The following SIK3 variants were observed in gnomAD, a reference collection of about 807,000 sequenced individuals.
SIK3 encodes SIK family kinase 3.
SIK3 carries 28 observed loss-of-function variants against 144.2 expected under a neutral mutation model. The ratio of observed to expected loss-of-function variants is 0.19; its 90% CI spans 0.14 to 0.27. The LOEUF (loss-of-function observed/expected upper bound fraction) is 0.27. SIK3 is among the 10% of genes least tolerant of loss of function. SIK3 has a pLI of 1.00. For synonymous variants in SIK3, 686 were observed against 676.3 expected (o/e 1.01, Z -0.22); for missense variants, 1,319 against 1,776.0 (o/e 0.74, Z 4.62).
chr11:116,847,071 A>G (rs757001025), intron 23 of SIK3, among the ~76,000 whole-genome samples: 5 of 152,208 alleles, frequency 3.3e-5, no homozygotes, highest in African/African-American at 4.8e-5. Context: ...GCAGAGCCTG[A>G]AAAGGACAGC....
In SIK3 at chr11:116,857,914, G is replaced by T. The variant is rs12225230; in HGVS notation, c.3551C>A (p.Pro1184His). The T allele has an allele frequency of 1.9e-6, 3 of 1,613,910 alleles. No homozygotes were observed. The highest frequency in any genetic ancestry group is 2.7e-5 in the African/African-American group (2 of 74,848). ...LLLSTGGPGD[P>H]ESLLGTVSHA... ...ACTCACAGTTCCTAGCAAAGATTCAGGGTCCCCAGGTCCACCGGTACTCAA... is the reference window on the plus strand; with the variant it reads ...ACTCACAGTTCCTAGCAAAGATTCATGGTCCCCAGGTCCACCGGTACTCAA... Residue 1184 changes from proline to histidine, a missense_variant, in exon 21 of 25, where the codon CCT (proline) becomes CAT (histidine). This residue lies in a region of SIK3 where 646 missense variants were observed against 763.7 expected (regional missense o/e 0.85). Transcript: ENST00000445177.
chr11:116,859,854 C>A (rs1481640481), intron 19 of SIK3, among the ~76,000 whole-genome samples: 1 of 152,278 alleles, frequency 6.6e-6, no homozygotes. Context: ...CCAACAAGTT[C>A]CCTTAAAAGC....
At chr11:116,902,188 T>C (rs572665651) in intron 4 of SIK3, among the ~76,000 whole-genome samples, 8 of 152,332 alleles carry the variant, frequency 5.3e-5, no homozygotes, top group Middle Eastern at 3.4e-3. Flanking sequence ...GTTTTTTGTT[T>C]GTGTTTTCAA....
intron 1 of SIK3, among the ~76,000 whole-genome samples, chr11:117,048,776 A>C (rs891568116): frequency 1.3e-5 from 2 of 152,112 alleles, no homozygotes; most frequent in African/African-American, 2.4e-5. Flanking sequence ...GGCCTATTGA[A>C]TTTAAGAGTG....
chr11:116,925,786 T>C (rs537458756), intron 4 of SIK3, among the ~76,000 whole-genome samples: 2 of 152,314 alleles, frequency 1.3e-5, no homozygotes, highest in East Asian at 1.9e-4. Flanking sequence ...TACCAGTATC[T>C]ATAGAGCTTT....
intron 4 of SIK3, among the ~76,000 whole-genome samples, chr11:116,906,727 T>G (rs560729660): frequency 6.6e-6 from 1 of 152,310 alleles, no homozygotes; most frequent in East Asian, 1.9e-4. Context: ...CGATGAGAAA[T>G]GGTATCATTT....
At chr11:117,058,175 C>T (rs932805114) in intron 1 of SIK3, among the ~76,000 whole-genome samples, 16 of 152,082 alleles carry the variant, frequency 1.1e-4, no homozygotes, top group African/African-American at 3.9e-4. Context: ...AGCTAAGGCG[C>T]TAAGAGGACA....
chr11:116,961,038 A>G (rs1949330015), intron 1 of SIK3, among the ~76,000 whole-genome samples: 1 of 152,228 alleles, frequency 6.6e-6, no homozygotes, highest in South Asian at 2.1e-4. Flanking sequence ...TGTGGGAAGA[A>G]CATGGAAAGA....
chr11:116,953,125 T>C (rs1288570671), intron 3 of SIK3, among the ~76,000 whole-genome samples: 2 of 152,048 alleles, frequency 1.3e-5, no homozygotes, highest in African/African-American at 2.4e-5. Flanking sequence ...CACACATCCA[T>C]GCAGCCACAA....
intron 4 of SIK3, among the ~76,000 whole-genome samples, chr11:116,900,178 C>T (rs1018666046): frequency 2.6e-5 from 4 of 152,170 alleles, no homozygotes; most frequent in African/African-American, 9.7e-5. Flanking sequence ...CATACCTGCG[C>T]TTTCAGTGCT....
chr11:116,911,845 C>T (rs1435692350), intron 4 of SIK3, among the ~76,000 whole-genome samples: 1 of 152,084 alleles, frequency 6.6e-6, no homozygotes, highest in African/African-American at 2.4e-5. Context: ...ACTTGATATC[C>T]CTTACTGCTT....
At chr11:116,910,649 T>G (rs1946290845) in intron 4 of SIK3, among the ~76,000 whole-genome samples, 1 of 152,102 alleles carries the variant, frequency 6.6e-6, no homozygotes, top group Admixed American at 6.5e-5. Context: ...AGGCCTGGGA[T>G]CATTACCACT....
Position 116,856,168 on chromosome 11 carries a change from G to C in SIK3, c.3655+1642C>G, listed in dbSNP as rs868566646. On this transcript the variant is annotated intron_variant, in intron 21 of 24. Coordinates refer to ENST00000445177, the MANE Select transcript of SIK3 (RefSeq NM_001366686.3). ...GCTGAGATCGCACCACTGCACTCCA[G>C]CCTGGGTGACAGAGCAAGACTCCGT... Among the ~76,000 whole-genome samples, 11 of 145,518 alleles carry C rather than the reference G, an allele frequency of 7.6e-5. No homozygotes were observed. In the South Asian group the frequency reaches 2.4e-3, roughly 31 times the overall value.
At chr11:116,981,399 T>G (rs1950136387) in intron 1 of SIK3, among the ~76,000 whole-genome samples, 3 of 152,216 alleles carry the variant, frequency 2.0e-5, no homozygotes. Context: ...GTTCCAAGAA[T>G]GAGCATCCCA....
intron 18 of SIK3, 23 bp downstream of exon 18, chr11:116,861,818 G>C (rs773416028): frequency 7.1e-6 from 11 of 1,538,854 alleles, no homozygotes; most frequent in Non-Finnish European, 9.0e-6. Context: ...AATGGCTTAG[G>C]CACAACACAA....
At chr11:116,861,696 C>T in intron 18 of SIK3, 145 bp downstream of exon 18, 1 of 643,260 alleles carries the variant, frequency 1.6e-6, no homozygotes, top group South Asian at 2.0e-5. Context: ...CAAGAAGGCT[C>T]CTGAAATTTA....
chr11:116,996,810 ACT>A (rs1381201561), intron 1 of SIK3, among the ~76,000 whole-genome samples: 20 of 109,618 alleles, frequency 1.8e-4, no homozygotes, highest in African/African-American at 7.3e-4. Flanking sequence ...CCAGAGGGAG[ACT>A]CTCTCTCAAA....
At chr11:116,971,088 C>CTTTTTG in intron 1 of SIK3, among the ~76,000 whole-genome samples, 1 of 152,190 alleles carries the variant, frequency 6.6e-6, no homozygotes, top group Non-Finnish European at 1.5e-5. Context: ...AAGCATAACA[C>CTTTTTG]CACTGTTTGC....
intron 1 of SIK3, among the ~76,000 whole-genome samples, chr11:116,981,363 T>C (rs1046227857): frequency 6.6e-6 from 1 of 152,238 alleles, no homozygotes; most frequent in Non-Finnish European, 1.5e-5. Flanking sequence ...GATCTCTCCA[T>C]GGGCTTCTTC....
Sources: allele counts gnomAD v4.1 joint callset (sites outside exome capture counted in the v4.1 genomes callset), GRCh38; gene constraint gnomAD v4.1.1; regional missense constraint gnomAD v4.1.1; transcripts MANE v1.5; gene names NCBI Gene and HGNC (gene_info 2026-07-23, HGNC 2026-07-21).